The following CDH23 variants were observed in gnomAD, a reference collection of about 807,000 sequenced individuals.
CDH23 encodes cadherin related 23.
A neutral mutation model predicts 317.1 loss-of-function variants in CDH23; 189 were observed. The ratio of observed to expected loss-of-function variants is 0.60; its 90% CI spans 0.53 to 0.67. The LOEUF (loss-of-function observed/expected upper bound fraction) is 0.67. CDH23 is among the 30% of genes least tolerant of loss of function. The pLI, the probability that CDH23 is intolerant of heterozygous loss-of-function variation, is 0.00. For missense variants in CDH23, 4,401 were observed against 4,592.4 expected, an observed-to-expected ratio of 0.96 and a Z score of 1.20; for synonymous variants, 1,839 against 1,876.8, an observed-to-expected ratio of 0.98 and a Z score of 0.52.
At chr10:71,422,248 G>A (rs1848852185) in intron 1 of CDH23, among the ~76,000 whole-genome samples, 1 of 152,198 alleles carries the variant, frequency 6.6e-6, no homozygotes, top group South Asian at 2.1e-4. Flanking sequence ...TGGTTCTGGT[G>A]GTCCTGGCTC....
At chr10:71,541,734 T>C (rs889259431) in intron 6 of CDH23, among the ~76,000 whole-genome samples, 2 of 152,208 alleles carry the variant, frequency 1.3e-5, no homozygotes, top group Non-Finnish European at 2.9e-5. Context: ...TGTTCAAGGC[T>C]TTGCAGGCCA....
At chr10:71,795,992 GC>G in intron 48 of CDH23, 1 of 986,006 alleles carries the variant, frequency 1.0e-6, no homozygotes, top group Non-Finnish European at 1.2e-6. Flanking sequence ...GAATGCAGCC[GC>G]CCTCTCCCCA....
chr10:71,429,144 T>G (rs1011006158), intron 1 of CDH23, among the ~76,000 whole-genome samples: 18 of 152,246 alleles, frequency 1.2e-4, no homozygotes, highest in Non-Finnish European at 2.1e-4. Flanking sequence ...ATCCATAGTG[T>G]TATCAGTCAT....
chr10:71,609,728 AGCAGCCTCGC>A (rs1860746189), intron 9 of CDH23, among the ~76,000 whole-genome samples: 2 of 152,224 alleles, frequency 1.3e-5, no homozygotes, highest in African/African-American at 4.8e-5. Flanking sequence ...TGCCATAAAC[AGCAGCCTCGC>A]CTGGTGCGCT....
chr10:71,466,546 G>T (rs1851265204), intron 3 of CDH23, among the ~76,000 whole-genome samples: 1 of 152,166 alleles, frequency 6.6e-6, no homozygotes, highest in African/African-American at 2.4e-5. Context: ...CTACCCACGT[G>T]TGTTTGTCCC....
chr10:71,638,086 C>T (rs1315510855), intron 11 of CDH23, among the ~76,000 whole-genome samples: 1 of 152,148 alleles, frequency 6.6e-6, no homozygotes, highest in Non-Finnish European at 1.5e-5. Flanking sequence ...CACATGCTTA[C>T]AAAACACGGG....
At chr10:71,559,888 G>A (rs1375340547) in intron 6 of CDH23, among the ~76,000 whole-genome samples, 1 of 152,234 alleles carries the variant, frequency 6.6e-6, no homozygotes, top group Admixed American at 6.5e-5. Flanking sequence ...CGGAGTATGG[G>A]TACACATGGG....
At chr10:71,671,107 T>C (rs1864127207) in intron 14 of CDH23, among the ~76,000 whole-genome samples, 1 of 151,890 alleles carries the variant, frequency 6.6e-6, no homozygotes, top group Non-Finnish European at 1.5e-5. Context: ...CTACAGGCAA[T>C]TGCCACCATG....
chr10:71,561,571 G>A (rs1328183957), intron 6 of CDH23, among the ~76,000 whole-genome samples: 3 of 152,106 alleles, frequency 2.0e-5, no homozygotes, highest in Non-Finnish European at 4.4e-5. Flanking sequence ...GTCACCCCAG[G>A]AGTAGCAAAA....
chr10:71,525,061 C>A (rs1033317879), intron 6 of CDH23, among the ~76,000 whole-genome samples: 26 of 152,066 alleles, frequency 1.7e-4, no homozygotes, highest in African/African-American at 4.4e-4. Flanking sequence ...GCGTGCACCA[C>A]CATGCCCAGC....
intron 44 of CDH23, among the ~76,000 whole-genome samples, chr10:71,786,559 G>A (rs111375593): frequency 1.1e-4 from 15 of 137,658 alleles, no homozygotes; most frequent in Non-Finnish European, 4.5e-5. Context: ...TGGTGCAATC[G>A]TGATCTCAGC....
intron 28 of CDH23, chr10:71,715,799 A>G: frequency 1.2e-6 from 1 of 810,922 alleles, no homozygotes; most frequent in East Asian, 3.2e-5. Context: ...TGGGCATGCA[A>G]GGAGCTTCGG....
In CDH23 at chr10:71,403,314, T is replaced by TCTTC. The variant is rs201087939; in HGVS notation, c.-6+6008_-6+6011dup. Among the ~76,000 whole-genome samples the TCTTC allele has an allele frequency of 3.7e-3, 384 of 102,746 alleles. 28 individuals carry two copies. Among genetic ancestry groups the TCTTC allele is most frequent in the South Asian group, 8.6e-3 (30 of 3,472 alleles). 67.4% of individuals were successfully genotyped at this position (102,746 alleles called of 152,430 possible). On this transcript the variant is annotated intron_variant, in intron 1 of 69. Transcript: ENST00000224721. ...CATTTGCTTGCTTTCTCTTTCTCTT[T>TCTTC]CTTCCTTCCTTCCTTTCTTTCTTTC...
chr10:71,666,550 A>G (rs769517067), intron 14 of CDH23, among the ~76,000 whole-genome samples: 1 of 152,116 alleles, frequency 6.6e-6, no homozygotes, highest in African/African-American at 2.4e-5. Context: ...CTTCCTTCTC[A>G]GATTAAATCA....
intron 6 of CDH23, among the ~76,000 whole-genome samples, chr10:71,541,271 A>G (rs1415224270): frequency 1.3e-5 from 2 of 152,168 alleles, no homozygotes; most frequent in Non-Finnish European, 2.9e-5. Flanking sequence ...TGTCATTTTC[A>G]CGCAGCAATT....
At chr10:71,508,370 A>G (rs1253953931) in intron 3 of CDH23, 4 of 152,154 alleles carry the variant, frequency 2.6e-5, no homozygotes, top group Admixed American at 2.0e-4. Context: ...CTGAGCCCCA[A>G]ATGCCTGGGA....
chr10:71,540,537 C>T (rs1239379026), intron 6 of CDH23, among the ~76,000 whole-genome samples: 1 of 152,172 alleles, frequency 6.6e-6, no homozygotes, highest in Non-Finnish European at 1.5e-5. Flanking sequence ...TAGCTGGTCT[C>T]ACTACCCCAG....
chr10:71,744,531 A>C (rs10823839), intron 38 of CDH23, among the ~76,000 whole-genome samples: 3,070 of 152,316 alleles, frequency 0.02, 205 homozygotes, highest in East Asian at 0.19. Flanking sequence ...ATGGCTAAAA[A>C]GAGTTTCCAT....
At chr10:71,417,196 C>A (rs983044684) in intron 1 of CDH23, among the ~76,000 whole-genome samples, 16 of 151,922 alleles carry the variant, frequency 1.1e-4, no homozygotes, top group African/African-American at 3.4e-4. Flanking sequence ...CCTGCCTCAG[C>A]CTCCCAAGTA....
Sources: gnomAD v4.1 joint callset for allele counts (sites outside exome capture counted in the v4.1 genomes callset) on GRCh38, gnomAD v4.1.1 for gene constraint, MANE v1.5 for transcripts, NCBI Gene and HGNC (gene_info 2026-07-23, HGNC 2026-07-21) for gene names.